The following HYAL1 variants were observed in gnomAD, a reference collection of about 807,000 sequenced individuals.
HYAL1 encodes hyaluronidase-1.
In HYAL1, 21 loss-of-function variants were observed where a neutral mutation model predicts 28.8. The ratio of observed to expected loss-of-function variants is 0.73; its 90% CI spans 0.52 to 1.05. The LOEUF (loss-of-function observed/expected upper bound fraction) is 1.05, where lower values mean the gene tolerates loss of function less well. Among genes scored for constraint, HYAL1 ranks in the 50% least tolerant of loss-of-function variants. The probability of loss-of-function intolerance (pLI) is 0.00; values close to 1 mark genes in which losing one functional copy is unlikely to be tolerated. For missense variants in HYAL1, 491 were observed against 579.2 expected, an observed-to-expected ratio of 0.85 and a Z score of 1.56; for synonymous variants, 200 against 230.1, an observed-to-expected ratio of 0.87 and a Z score of 1.18.
chr3:50,310,576 CTTTTCTTTTTT>C (rs782473562), intron 1 of HYAL1, among the ~76,000 whole-genome samples: 270 of 141,992 alleles, frequency 1.9e-3, no homozygotes, highest in Middle Eastern at 3.5e-3. Flanking sequence ...ACTGTGGTTT[CTTTTCTTTTTT>C]TTTTCTTTTT....
chr3:50,302,671 G>C lies in HYAL1; in HGVS notation c.286C>G (p.Leu96Val). 1 of 1,614,146 alleles carries C rather than the reference G, an allele frequency of 6.2e-7. No individual in the cohort carries two copies. The highest frequency in any genetic ancestry group is 8.5e-7 in the Non-Finnish European group (1 of 1,180,026). ...GCAATCAGGCTGGCATTCTGGGGCA[G>C]ACCACCAAACACAGGCTCCCCAGTG... The part of the protein sequence containing the change: ...TPTGEPVFGG[L>V]PQNASLIAHL... Residue 96 changes from leucine to valine, a missense_variant, in exon 2 of 4, where the codon CTG becomes GTG. Coordinates refer to ENST00000395144, the MANE Select transcript of HYAL1 (RefSeq NM_033159.4). The surrounding 1 kb of genome is among the most constrained non-coding windows in gnomAD (Gnocchi z 5.0).
upstream of HYAL1, among the ~76,000 whole-genome samples, chr3:50,307,330 C>G (rs1259339234): frequency 6.6e-6 from 1 of 150,676 alleles, no homozygotes; most frequent in African/African-American, 2.5e-5. Context: ...TGCCACTGCA[C>G]TCCAGCCTGG....
In HYAL1 at chr3:50,300,545, A is replaced by T. The variant is rs982284858; in HGVS notation, c.1246T>A (p.Phe416Ile). The T allele has an allele frequency of 1.2e-6, 2 of 1,613,946 alleles. No homozygotes were observed. The highest frequency in any genetic ancestry group is 1.7e-6 in the Non-Finnish European group (2 of 1,179,976). ...CAGCCAGGGTAGCATCGACATTTGA[A>T]CTCCACAGCCATCTGTGCCTGATCT... is the stretch of plus-strand genomic sequence containing the variant. ...LEDQAQMAVE[F>I]KCRCYPGWQA... is the part of the protein sequence containing the mutation. The change falls in exon 4 of 4, where the codon TTC (phenylalanine) becomes ATC (isoleucine). Residue 416 changes from phenylalanine to isoleucine, a missense_variant. Coordinates refer to ENST00000395144, the MANE Select transcript of HYAL1 (RefSeq NM_033159.4).
intron 2 of HYAL1, among the ~76,000 whole-genome samples, chr3:50,308,646 A>C (rs587701790): frequency 1.4e-5 from 2 of 147,730 alleles, no homozygotes; most frequent in Non-Finnish European, 3.0e-5. Flanking sequence ...ACAGGGTTTC[A>C]CCGTGGTCTC....
Position 50,300,317 on chromosome 3 carries a change from C to T in HYAL1, c.*166G>A. 2.8e-6 allele frequency: 2 copies of T among 705,588 alleles called. No individual in the cohort carries two copies. The highest frequency in any genetic ancestry group is 4.1e-5 in the Admixed American group (2 of 48,286). 43.7% of individuals were successfully genotyped at this position (705,588 alleles called of 1,614,324 possible). On this transcript the variant is annotated 3_prime_UTR_variant, in exon 4 of 4. Transcript: ENST00000395144. The stretch of plus-strand genomic sequence containing the variant: ...GTTCTAACTCCTTATGCCACTATTC[C>T]AGTCTGTAAGTATGCATGTGTGTGC...
rs185057292 is a variant in HYAL1 at position 50,301,863 on chromosome 3, A to G, written c.900+194T>C. On this transcript the variant is annotated intron_variant, in intron 2 of 3. Coordinates refer to ENST00000395144, the MANE Select transcript of HYAL1 (RefSeq NM_033159.4). ...GCTACTCGGAGGCTGAGGCAGGAGAATGGCATGAACCCGGGAGGCAGAGCT... is the reference window on the plus strand; with the variant it reads ...GCTACTCGGAGGCTGAGGCAGGAGAGTGGCATGAACCCGGGAGGCAGAGCT... 5.6e-3 allele frequency among the ~76,000 whole-genome samples: 854 copies of G among 151,492 alleles called. 6 individuals are homozygous for G. The highest frequency in any genetic ancestry group is 0.02 in the African/African-American group (806 of 41,278).
intron 1 of HYAL1, among the ~76,000 whole-genome samples, chr3:50,310,605 A>T (rs1312058917): frequency 3.1e-3 from 400 of 128,914 alleles, no homozygotes; most frequent in African/African-American, 0.011. Context: ...TTTTTTTTTT[A>T]ATTATTATTT....
chr3:50,302,332 T>C lies in HYAL1; in HGVS notation c.625A>G (p.Asn209Asp). The change falls in exon 2 of 4, where the codon AAC becomes GAC. Residue 209 changes from asparagine to aspartate, a missense_variant. Transcript: ENST00000395144. This position sits in a 1 kb window ranked among gnomAD's most constrained non-coding sequence, Gnocchi z 5.0. ...WGFYGFPDCY[N>D]YDFLSPNYTG... ...TAGTTGGGGCTTAGAAAGTCATAGT[T>C]GTAGCAGTCAGGGAAGCCATAGAAG... 1.2e-6 allele frequency: 2 copies of C among 1,613,486 alleles called. No individual in the cohort carries two copies. Among genetic ancestry groups the C allele is most frequent in the Non-Finnish European group, 1.7e-6 (2 of 1,179,990 alleles).
rs1410296382 is a variant in HYAL1 at position 50,301,037 on chromosome 3, C to T, written c.941G>A (p.Gly314Glu). Residue 314 changes from glycine to glutamate, a missense_variant, in exon 3 of 4, where the codon GGG (glycine) becomes GAG (glutamate). Physicochemically the swap from Gly to Glu is moderately conservative, Grantham distance 98 (BLOSUM62 -2). Transcript: ENST00000395144. ...EHSLGESAAQGAAGVVLWVSW... is the reference protein window; with the variant it reads ...EHSLGESAAQEAAGVVLWVSW... ...CACCCAGAGCACCACTCCAGCTGCC[C>T]CCTGGGCCGCACTCTCCCCCAGGCT... The T allele has an allele frequency of 3.0e-5, 48 of 1,612,912 alleles. No individual in the cohort carries two copies. Among genetic ancestry groups the T allele is most frequent in the Non-Finnish European group, 3.6e-5 (43 of 1,179,746 alleles).
rs587606017 is a variant in HYAL1, at chr3:50,308,649, G to A, written c.-191+1010C>T. The stretch of plus-strand genomic sequence containing the variant: ...TTTTTGGTAGAGACAGGGTTTCACC[G>A]TGGTCTCGATCTCCTGACCTCGTGA... On this transcript the variant is annotated intron_variant, in intron 2 of 5. Coordinates refer to the HYAL1 transcript ENST00000320295. Among the ~76,000 whole-genome samples the A allele has an allele frequency of 4.1e-4, 61 of 149,526 alleles. 4 individuals carry two copies. Among genetic ancestry groups the A allele is most frequent in the African/African-American group, 1.3e-3 (51 of 39,786 alleles).
At position 50,301,012 on chromosome 3, in the gene HYAL1, C is replaced by T. The variant is rs1467161408; in HGVS notation, c.966G>A (p.Val322=). The change falls in exon 3 of 4, where the codon GTG becomes GTA. Residue 322 remains valine (V), a synonymous_variant. Transcript: ENST00000395144. ...AQGAAGVVLW[V]SWENTRTKES... is the part of the protein sequence containing the mutation. ...CCTTGGTTCTTGTATTTTCCCAGCT[C>T]ACCCAGAGCACCACTCCAGCTGCCC... is the stretch of plus-strand genomic sequence containing the variant. 2.5e-6 allele frequency: 4 copies of T among 1,587,678 alleles called. No homozygotes were observed. The East Asian group carries it at 9.3e-5, about 37-fold the overall frequency.
At chr3:50,310,265 G>GTTT (rs1284186892) in intron 1 of HYAL1, among the ~76,000 whole-genome samples, 4 of 124,714 alleles carry the variant, frequency 3.2e-5, no homozygotes, top group Non-Finnish European at 5.1e-5. Context: ...TAAGCTGTGT[G>GTTT]TTTTTTTTTT....
intron 1 of HYAL1, among the ~76,000 whole-genome samples, chr3:50,311,855 C>A (rs1375489398): frequency 6.7e-6 from 1 of 149,266 alleles, no homozygotes; most frequent in Non-Finnish European, 1.5e-5. Context: ...GCTGACCCCC[C>A]CACCTCCCTC....
rs1553713110 is a variant in HYAL1, at chr3:50,302,235, G to T, written c.722C>A (p.Ala241Asp). 6.2e-7 allele frequency: 1 copy of T among 1,614,060 alleles called. No individual in the cohort carries two copies. ...GGGCATGTAGATGCTGGGATAGAGG[G>T]CACGGCTCTGGCCCCACAGCCACCC... ...QLGWLWGQSRALYPSIYMPAV... is the reference protein window; with the variant it reads ...QLGWLWGQSRDLYPSIYMPAV... Residue 241 changes from alanine (A) to aspartate (D), a missense_variant, in exon 2 of 4, where the codon GCC (alanine) becomes GAC (aspartate). Coordinates refer to ENST00000395144, the MANE Select transcript of HYAL1 (RefSeq NM_033159.4). This position sits in a 1 kb window ranked among gnomAD's most constrained non-coding sequence, Gnocchi z 5.0.
chr3:50,304,274 CAAAAA>C (rs1156334129), upstream of HYAL1, among the ~76,000 whole-genome samples: 3 of 2,894 alleles, frequency 1.0e-3, no homozygotes, highest in African/African-American at 2.1e-3. Context: ...GACTCCATCT[CAAAAA>C]AAAAAAAAAA....
At chr3:50,304,876 T>C (rs1702304679), upstream of HYAL1, among the ~76,000 whole-genome samples, 1 of 152,224 alleles carries the variant, frequency 6.6e-6, no homozygotes, top group South Asian at 2.1e-4. Context: ...GTGTGAGCCC[T>C]GCTGTCTTGT....
chr3:50,303,297 C>G (rs1346316260), intron 1 of HYAL1, 169 bp downstream of exon 1: 2 of 210,942 alleles, frequency 9.5e-6, no homozygotes, highest in Non-Finnish European at 1.9e-5. Flanking sequence ...GGCTGACAGC[C>G]AGGCCCTCAG....
At position 50,302,177 on chromosome 3, in the gene HYAL1, C is replaced by A; in HGVS notation, c.780G>T (p.Met260Ile). 6.2e-7 allele frequency: 1 copy of A among 1,614,234 alleles called. No individual in the cohort carries two copies. Among genetic ancestry groups the A allele is most frequent in the Non-Finnish European group, 8.5e-7 (1 of 1,180,036 alleles). Residue 260 changes from methionine to isoleucine, a missense_variant, in exon 2 of 4, where the codon ATG (methionine) becomes ATT (isoleucine). By Grantham distance (10) the Met-to-Ile change is conservative (BLOSUM62 1). Transcript: ENST00000395144. This position sits in a 1 kb window ranked among gnomAD's most constrained non-coding sequence, Gnocchi z 5.0. ...CCTCGGCCACACGGTGTTGCACATA[C>A]ATCTGTGACTTCCCTGTGCCCTCCA... ...AVLEGTGKSQMYVQHRVAEAF... is the reference protein window; with the variant it reads ...AVLEGTGKSQIYVQHRVAEAF...
Position 50,300,979 on chromosome 3 carries a change from TA to T in HYAL1, c.990+8del. On this transcript the variant is annotated splice_region_variant and intron_variant, in intron 3 of 3. Coordinates refer to ENST00000395144, the MANE Select transcript of HYAL1 (RefSeq NM_033159.4). Reference sequence around the variant, plus strand: ...CCCACCCCCACCCTCATGCCAGGCCTAAGCTCACCTTGGTTCTTGTATTTTC... The same window carrying T: ...CCCACCCCCACCCTCATGCCAGGCCTAGCTCACCTTGGTTCTTGTATTTTC... 4.0e-6 allele frequency: 3 copies of T among 750,860 alleles called. No individual in the cohort carries two copies. Among genetic ancestry groups the T allele is most frequent in the Non-Finnish European group, 5.9e-6 (3 of 507,466 alleles). 46.5% of individuals were successfully genotyped at this position (750,860 alleles called of 1,614,324 possible).
Sources: allele counts gnomAD v4.1 joint callset (sites outside exome capture counted in the v4.1 genomes callset), GRCh38; gene constraint gnomAD v4.1.1; non-coding constraint Gnocchi (gnomAD v3.1); transcripts MANE v1.5; gene names NCBI Gene and HGNC (gene_info 2026-07-23, HGNC 2026-07-21).